The following LRP1B variants were observed in gnomAD, a reference collection of about 807,000 sequenced individuals.
The protein encoded by LRP1B is low-density lipoprotein receptor-related protein 1B.
Under a neutral mutation model 556.6 loss-of-function variants are expected in LRP1B, and 217 were observed. That is an observed-to-expected ratio of 0.39 (90% CI 0.35 to 0.44). The LOEUF (loss-of-function observed/expected upper bound fraction) is 0.44. Ranked by LOEUF, LRP1B falls within the 20% of genes least tolerant of loss-of-function variation. LRP1B has a pLI of 1.00. For missense variants in LRP1B, 5,053 were observed against 5,620.8 expected (o/e 0.90, Z 3.23); for synonymous variants, 2,047 against 1,865.8 (o/e 1.10, Z -2.50).
Position 140,700,242 on chromosome 2 carries a change from G to T in LRP1B, c.6799+8C>A. ...TCCACCTATTTAAAATTGAATTACT[G>T]TACTTACTTTCAACAATTACTTGTC... On this transcript the variant is annotated splice_region_variant and intron_variant, in intron 41 of 90. Coordinates refer to ENST00000389484, the MANE Select transcript of LRP1B (RefSeq NM_018557.3). The T allele has an allele frequency of 6.2e-7, 1 of 1,603,948 alleles. No homozygotes were observed.
chr2:141,111,735 G>GAC (rs1054398025), intron 7 of LRP1B, among the ~76,000 whole-genome samples: 1 of 152,114 alleles, frequency 6.6e-6, no homozygotes, highest in Non-Finnish European at 1.5e-5. Flanking sequence ...TCTTTGCTGA[G>GAC]AGCCTTCCCC....
chr2:140,526,107 A>ATCT, intron 48 of LRP1B, 114 bp from the exon 49 acceptor site: 1 of 1,347,472 alleles, frequency 7.4e-7, no homozygotes, highest in East Asian at 2.4e-5. Flanking sequence ...ATAGATACGT[A>ATCT]ATTATCCCAC....
intron 1 of LRP1B, among the ~76,000 whole-genome samples, chr2:142,073,005 T>G (rs1003215389): frequency 1.3e-5 from 2 of 152,046 alleles, no homozygotes; most frequent in Non-Finnish European, 2.9e-5. Flanking sequence ...GCAATGCAGA[T>G]AAGGATAATG....
At chr2:141,338,021 G>A (rs1217273175) in intron 3 of LRP1B, among the ~76,000 whole-genome samples, 1 of 152,120 alleles carries the variant, frequency 6.6e-6, no homozygotes, top group African/African-American at 2.4e-5. Flanking sequence ...ATGCTAGCAG[G>A]CAATCAACCT....
At position 140,994,037 on chromosome 2, in the gene LRP1B, C is replaced by A. The variant is rs1015312571; in HGVS notation, c.2602G>T (p.Asp868Tyr). The A allele has an allele frequency of 6.2e-7, 1 of 1,612,652 alleles. No individual in the cohort carries two copies. ...TCATCGCTTCCGTCTAGGCAGTCAT[C>A]GTCGCCATCACATTTCCACCGAGCT... ...IQARWKCDGDDDCLDGSDEDS... is the reference protein window; with the variant it reads ...IQARWKCDGDYDCLDGSDEDS... Residue 868 changes from aspartate (D) to tyrosine (Y), a missense_variant, in exon 16 of 91, where the codon GAT (aspartate) becomes TAT (tyrosine). Transcript: ENST00000389484.
chr2:141,169,235 G>T lies in LRP1B; in HGVS notation c.1013+19186C>A, dbSNP rs1370585594. Among the ~76,000 whole-genome samples the T allele has an allele frequency of 4.0e-5, 6 of 151,154 alleles. No individual in the cohort carries two copies. The South Asian group carries it at 1.3e-3, about 32-fold the overall frequency. On this transcript the variant is annotated intron_variant, in intron 7 of 90. Transcript: ENST00000389484. Reference sequence around the variant, plus strand: ...TGGGAGGTGAAGGTTGCAGTGAGCCGAGATCATACCATTGCATTCCAGCCT... The same window carrying T: ...TGGGAGGTGAAGGTTGCAGTGAGCCTAGATCATACCATTGCATTCCAGCCT...
chr2:140,688,743 C>T (rs1301781530), intron 41 of LRP1B, among the ~76,000 whole-genome samples: 4 of 152,174 alleles, frequency 2.6e-5, no homozygotes, highest in African/African-American at 4.8e-5. Flanking sequence ...CATATTGAGC[C>T]AGTTCTCATG....
intron 59 of LRP1B, among the ~76,000 whole-genome samples, chr2:140,478,707 C>A (rs1429086167): frequency 6.6e-6 from 1 of 151,956 alleles, no homozygotes; most frequent in African/African-American, 2.4e-5. Context: ...GTTATGTGAA[C>A]TTAGGAGCTT....
chr2:140,963,912 A>G (rs1696115141), intron 18 of LRP1B, among the ~76,000 whole-genome samples: 1 of 152,220 alleles, frequency 6.6e-6, no homozygotes, highest in South Asian at 2.1e-4. Context: ...GAGAGAGTGT[A>G]GAAATAAAGA....
At chr2:141,478,047 T>C (rs1363802945) in intron 3 of LRP1B, among the ~76,000 whole-genome samples, 3 of 151,960 alleles carry the variant, frequency 2.0e-5, no homozygotes, top group East Asian at 3.9e-4. Flanking sequence ...AAAAAAAGAA[T>C]GGAGCATAAA....
chr2:142,065,734 A>G (rs1705086144), intron 1 of LRP1B, among the ~76,000 whole-genome samples: 1 of 151,426 alleles, frequency 6.6e-6, no homozygotes, highest in East Asian at 1.9e-4. Flanking sequence ...CATTTGCCAC[A>G]AATGAAAAAC....
intron 86 of LRP1B, among the ~76,000 whole-genome samples, chr2:140,248,651 CAAATA>C (rs923480064): frequency 5.4e-4 from 82 of 151,542 alleles, no homozygotes; most frequent in African/African-American, 1.9e-3. Flanking sequence ...AAGTGAACAA[CAAATA>C]AAATCATTGT....
intron 10 of LRP1B, among the ~76,000 whole-genome samples, chr2:141,052,020 C>T (rs1172136610): frequency 6.6e-6 from 1 of 151,830 alleles, no homozygotes; most frequent in Admixed American, 6.6e-5. Flanking sequence ...TTATCTTAAG[C>T]CTTGTTTCTA....
chr2:141,047,118 C>T (rs983229752), intron 11 of LRP1B, among the ~76,000 whole-genome samples: 8 of 150,232 alleles, frequency 5.3e-5, no homozygotes, highest in African/African-American at 1.2e-4. Context: ...AACAAAACAA[C>T]GTAAATTTTA....
At chr2:141,611,729 A>G (rs1688114260) in intron 2 of LRP1B, among the ~76,000 whole-genome samples, 1 of 152,338 alleles carries the variant, frequency 6.6e-6, no homozygotes, top group South Asian at 2.1e-4. Flanking sequence ...GCCAGGCAGA[A>G]TGGTTAACAC....
intron 1 of LRP1B, among the ~76,000 whole-genome samples, chr2:141,819,275 C>T (rs1696677070): frequency 6.6e-6 from 1 of 151,710 alleles, no homozygotes; most frequent in South Asian, 2.1e-4. Context: ...AAACAAAAAA[C>T]TTTCCCAGTG....
At position 141,208,594 on chromosome 2, in the gene LRP1B, C is replaced by CG. The variant is rs1273090410; in HGVS notation, c.851-20012dup. 1.1e-4 allele frequency among the ~76,000 whole-genome samples: 17 copies of CG among 151,210 alleles called. No individual in the cohort carries two copies. The East Asian group carries it at 1.4e-3, about 12-fold the overall frequency. ...AAAAAGGGATGGGAGTGGCTGGGCG[C>CG]GGGGGGCTCACGCCTGTAATCCCAG... On this transcript the variant is annotated intron_variant, in intron 6 of 90. Transcript: ENST00000389484.
chr2:140,834,654 GCGGGT>G (rs1430404945), intron 31 of LRP1B, among the ~76,000 whole-genome samples: 1 of 152,184 alleles, frequency 6.6e-6, no homozygotes, highest in Non-Finnish European at 1.5e-5. Flanking sequence ...TGTCTAAACA[GCGGGT>G]CGTTTTGGTA....
intron 41 of LRP1B, among the ~76,000 whole-genome samples, chr2:140,618,154 A>C (rs1275462521): frequency 2.0e-5 from 3 of 152,008 alleles, no homozygotes; most frequent in Admixed American, 2.0e-4. Flanking sequence ...GATTGCATGC[A>C]TATATTCCTA....
Sources: gnomAD v4.1 joint callset for allele counts (sites outside exome capture counted in the v4.1 genomes callset) on GRCh38, gnomAD v4.1.1 for gene constraint, MANE v1.5 for transcripts, NCBI Gene and HGNC (gene_info 2026-07-23, HGNC 2026-07-21) for gene names.